Variants in ANAPC10 observed in about 807,000 individuals in gnomAD.
ANAPC10 encodes the protein anaphase promoting complex subunit 10.
ANAPC10 carries 12 observed loss-of-function variants against 22.0 expected under a neutral mutation model. The observed-to-expected ratio is 0.55, with a 90% CI of 0.35 to 0.88. The LOEUF (loss-of-function observed/expected upper bound fraction) is 0.88, where lower values mean the gene tolerates loss of function less well. ANAPC10 is among the 40% of genes least tolerant of loss of function. The probability of loss-of-function intolerance (pLI) is 0.01; values close to 1 mark genes in which losing one functional copy is unlikely to be tolerated. For synonymous variants in ANAPC10, 65 were observed against 69.5 expected (o/e 0.94, Z 0.32); for missense variants, 188 against 220.9 (o/e 0.85, Z 0.94).
intron 3 of ANAPC10, among the ~76,000 whole-genome samples, chr4:145,077,495 G>C (rs1745363309): frequency 6.6e-6 from 1 of 152,022 alleles, no homozygotes; most frequent in Admixed American, 6.5e-5. Flanking sequence ...AAACTGAGAG[G>C]AAGAATTCCT....
chr4:145,000,712 G>T (rs894376761), intron 4 of ANAPC10, among the ~76,000 whole-genome samples: 2 of 152,140 alleles, frequency 1.3e-5, no homozygotes, highest in Admixed American at 6.5e-5. Flanking sequence ...ATACCCAAAG[G>T]ATTATAAATC....
intron 4 of ANAPC10, among the ~76,000 whole-genome samples, chr4:145,036,878 C>T (rs1041778225): frequency 1.1e-4 from 16 of 152,076 alleles, no homozygotes; most frequent in African/African-American, 3.9e-4. Context: ...ACTATAAAGA[C>T]AATTAAGAAA....
intron 4 of ANAPC10, among the ~76,000 whole-genome samples, chr4:144,998,247 G>A (rs888192290): frequency 3.3e-5 from 5 of 152,136 alleles, no homozygotes; most frequent in Admixed American, 2.0e-4. Flanking sequence ...GACATCCACA[G>A]AACTTTCCAC....
chr4:145,011,861 G>A (rs905596462), intron 4 of ANAPC10, among the ~76,000 whole-genome samples: 1 of 152,066 alleles, frequency 6.6e-6, no homozygotes, highest in African/African-American at 2.4e-5. Context: ...GGGCTAAGGA[G>A]GGAAGCACTA....
chr4:145,056,050 G>A lies in ANAPC10; in HGVS notation c.327+8522C>T, dbSNP rs7670125. 4.9e-3 allele frequency among the ~76,000 whole-genome samples: 743 copies of A among 152,292 alleles called. 4 individuals carry two copies. Among genetic ancestry groups the A allele is most frequent in the African/African-American group, 0.015 (621 of 41,566 alleles). On this transcript the variant is annotated intron_variant, in intron 4 of 4. Coordinates refer to ENST00000507656, the MANE Select transcript of ANAPC10 (RefSeq NM_001256706.2). ...ATGAACTTCTGGTATTGTCAGAGGC[G>A]TGTGAAACCAGAGCAACTCCATCTT...
intron 2 of ANAPC10, among the ~76,000 whole-genome samples, chr4:145,092,890 C>T (rs1043164457): frequency 7.2e-5 from 11 of 152,150 alleles, no homozygotes; most frequent in African/African-American, 2.7e-4. Context: ...CTCTCTATAC[C>T]TGAGAGAGGG....
At chr4:145,065,245 T>C (rs1209290288) in intron 3 of ANAPC10, among the ~76,000 whole-genome samples, 1 of 151,862 alleles carries the variant, frequency 6.6e-6, no homozygotes, top group Non-Finnish European at 1.5e-5. Flanking sequence ...GATTTTAAAA[T>C]ATACATATCC....
Position 145,063,143 on chromosome 4 carries a change from TAA to T in ANAPC10, c.327+1427_327+1428del, listed in dbSNP as rs565371706. On this transcript the variant is annotated intron_variant, in intron 4 of 4. Transcript: ENST00000507656. ...AATGTGTTATATTCTTGAAGATTGCTAAGAGAGTGGATTTTGAGAGTTCTCAC... is the reference window on the plus strand; with the variant it reads ...AATGTGTTATATTCTTGAAGATTGCTGAGAGTGGATTTTGAGAGTTCTCAC... Among the ~76,000 whole-genome samples, 51 of 152,274 alleles carry T rather than the reference TAA, an allele frequency of 3.3e-4. 1 individual carries two copies. The South Asian group carries it at 9.9e-3, about 30-fold the overall frequency.
intron 3 of ANAPC10, among the ~76,000 whole-genome samples, chr4:145,066,414 A>C (rs980942115): frequency 6.6e-6 from 1 of 152,176 alleles, no homozygotes; most frequent in Non-Finnish European, 1.5e-5. Context: ...TTGATGAGCC[A>C]TAAGCAGGAA....
chr4:145,070,586 A>G (rs1744350024), intron 3 of ANAPC10, among the ~76,000 whole-genome samples: 1 of 152,226 alleles, frequency 6.6e-6, no homozygotes, highest in Non-Finnish European at 1.5e-5. Context: ...AACAGTATGG[A>G]GGTGACTCAA....
At chr4:145,077,118 G>T (rs1745313941) in intron 3 of ANAPC10, among the ~76,000 whole-genome samples, 1 of 152,194 alleles carries the variant, frequency 6.6e-6, no homozygotes, top group Non-Finnish European at 1.5e-5. Context: ...AGAATGGCGT[G>T]AAACCGGGAG....
chr4:145,052,434 ACCAGTT>A (rs1741253536), intron 4 of ANAPC10, among the ~76,000 whole-genome samples: 1 of 152,148 alleles, frequency 6.6e-6, no homozygotes, highest in African/African-American at 2.4e-5. Context: ...CACTAGCCTA[ACCAGTT>A]TACAGAGGTG....
At position 145,042,638 on chromosome 4, in the gene ANAPC10, C is replaced by T. The variant is rs1739679143; in HGVS notation, c.327+21934G>A. ...TAGCCATGACAACTTATCCTATAAA[C>T]AGAATCCCTCACAAATTGAAAAATA... On this transcript the variant is annotated intron_variant, in intron 4 of 4. Coordinates refer to ENST00000507656, the MANE Select transcript of ANAPC10 (RefSeq NM_001256706.2). Among the ~76,000 whole-genome samples, 3 of 152,016 alleles carry T rather than the reference C, an allele frequency of 2.0e-5. No individual in the cohort carries two copies. In the South Asian group the frequency reaches 6.2e-4, roughly 31 times the overall value.
chr4:145,008,649 TA>T (rs1733806383), intron 4 of ANAPC10, among the ~76,000 whole-genome samples: 1 of 152,192 alleles, frequency 6.6e-6, no homozygotes, highest in Non-Finnish European at 1.5e-5. Context: ...CCCATCATGC[TA>T]AAAACTCTCA....
chr4:145,048,952 T>C (rs953148298), intron 4 of ANAPC10, among the ~76,000 whole-genome samples: 1 of 152,188 alleles, frequency 6.6e-6, no homozygotes, highest in Non-Finnish European at 1.5e-5. Context: ...ATATCCCAGA[T>C]ACATTGTGGG....
rs552342392 is a variant in ANAPC10, at chr4:145,020,665, C to A, written c.328-25062G>T. Reference sequence around the variant, plus strand: ...TGTCACTGTTTACTGACAATATAATCGTTTACCTCAAAAATCCTAAAGACT... The same window carrying A: ...TGTCACTGTTTACTGACAATATAATAGTTTACCTCAAAAATCCTAAAGACT... On this transcript the variant is annotated intron_variant, in intron 4 of 4. Transcript: ENST00000507656. 3.9e-5 allele frequency among the ~76,000 whole-genome samples: 6 copies of A among 152,000 alleles called. No homozygotes were observed. In the South Asian group the frequency reaches 1.0e-3, roughly 26 times the overall value.
chr4:144,995,613 G>A lies in ANAPC10; in HGVS notation c.328-10C>T. On this transcript the variant is annotated splice_polypyrimidine_tract_variant and intron_variant, in intron 4 of 4. Transcript: ENST00000507656. ...CCACCAACTCAAGTTGCTGCCAAGG[G>A]AAAAAAAATCAGATTATGCTTTTAT... 2 of 1,564,454 alleles carry A rather than the reference G, an allele frequency of 1.3e-6. No homozygotes were observed. Among genetic ancestry groups the A allele is most frequent in the Non-Finnish European group, 1.7e-6 (2 of 1,149,442 alleles).
intron 4 of ANAPC10, among the ~76,000 whole-genome samples, chr4:145,014,513 T>C (rs1232965884): frequency 1.3e-5 from 2 of 152,030 alleles, no homozygotes; most frequent in Non-Finnish European, 2.9e-5. Flanking sequence ...ACCCTGGTAG[T>C]TGAAGACAAA....
chr4:145,073,604 C>T (rs11947956), intron 3 of ANAPC10, among the ~76,000 whole-genome samples: 38,555 of 151,872 alleles, frequency 0.25, 6,391 homozygotes, highest in East Asian at 0.45. Context: ...CTTTACATGA[C>T]AATGGAGTTT....
Sources: gnomAD v4.1 joint callset for allele counts (sites outside exome capture counted in the v4.1 genomes callset) on GRCh38, gnomAD v4.1.1 for gene constraint, MANE v1.5 for transcripts, NCBI Gene and HGNC (gene_info 2026-07-23, HGNC 2026-07-21) for gene names.